The following PKN2 variants were observed in gnomAD, a reference collection of about 807,000 sequenced individuals.
The protein encoded by PKN2 is serine/threonine-protein kinase N2.
PKN2 carries 38 observed loss-of-function variants against 119.1 expected under a neutral mutation model. That is an observed-to-expected ratio of 0.32 (90% confidence interval 0.25 to 0.42). The LOEUF (loss-of-function observed/expected upper bound fraction) is 0.42. PKN2 is among the 10% of genes least tolerant of loss of function. The probability of loss-of-function intolerance (pLI) is 1.00; values close to 1 mark genes in which losing one functional copy is unlikely to be tolerated. For synonymous variants in PKN2, 390 were observed against 384.9 expected (o/e 1.01, Z -0.15); for missense variants, 850 against 1,165.1 (o/e 0.73, Z 3.94).
intron 1 of PKN2, among the ~76,000 whole-genome samples, chr1:88,694,999 C>T (rs370977673): frequency 3.3e-5 from 5 of 152,040 alleles, no homozygotes; most frequent in East Asian, 1.9e-4. Context: ...TGGTGGCGGG[C>T]GCCTGTAGTC....
At chr1:88,829,015 C>G (rs758025550) in intron 19 of PKN2, 2 of 641,544 alleles carry the variant, frequency 3.1e-6, no homozygotes, top group African/African-American at 3.6e-5. Flanking sequence ...TCCAGACTTC[C>G]GTCTGAGCAA....
At chr1:88,711,924 T>A (rs548264436) in intron 1 of PKN2, among the ~76,000 whole-genome samples, 1 of 152,158 alleles carries the variant, frequency 6.6e-6, no homozygotes. Context: ...TATGTGAGTG[T>A]ATGTATACAT....
At chr1:88,705,125 T>C (rs1380181369) in intron 1 of PKN2, among the ~76,000 whole-genome samples, 2 of 151,140 alleles carry the variant, frequency 1.3e-5, no homozygotes, top group Admixed American at 1.3e-4. Context: ...TATCTTTTCT[T>C]TTCTTTTCTT....
intron 8 of PKN2, among the ~76,000 whole-genome samples, chr1:88,801,837 A>G (rs927618337): frequency 3.9e-5 from 6 of 152,228 alleles, no homozygotes; most frequent in Admixed American, 2.6e-4. Context: ...TATATCCCTT[A>G]TGCATTTGGG....
At chr1:88,707,377 T>A (rs990494012) in intron 1 of PKN2, among the ~76,000 whole-genome samples, 1 of 152,108 alleles carries the variant, frequency 6.6e-6, no homozygotes, top group African/African-American at 2.4e-5. Context: ...TTCAAGGAGA[T>A]GCATGTTAAT....
chr1:88,828,433 TAGA>T, intron 18 of PKN2, 45 bp from the exon 19 acceptor site: 2 of 1,502,750 alleles, frequency 1.3e-6, no homozygotes, highest in Admixed American at 1.9e-5. Context: ...TTTTTTATGC[TAGA>T]TTTGTTTTCT....
In PKN2 at chr1:88,813,540, A is replaced by G; in HGVS notation, c.2103-17A>G. 1 of 1,498,228 alleles carries G rather than the reference A, an allele frequency of 6.7e-7. No individual in the cohort carries two copies. Among genetic ancestry groups the G allele is most frequent in the Non-Finnish European group, 9.0e-7 (1 of 1,106,992 alleles). 92.8% of individuals were successfully genotyped at this position (1,498,228 alleles called of 1,614,324 possible). A position where few individuals can be genotyped will look rare whatever the true frequency, so the allele number is the denominator to read the frequency against. ...ATTATTTTTAATCTGCTTATTTTAA[A>G]ATATTTTCTTTTACAGCCTGATGTG... On this transcript the variant is annotated splice_polypyrimidine_tract_variant and intron_variant, in intron 15 of 21. Transcript: ENST00000370521.
intron 6 of PKN2, 60 bp from the exon 7 acceptor site, chr1:88,784,579 A>G: frequency 9.4e-7 from 1 of 1,061,414 alleles, no homozygotes; most frequent in Non-Finnish European, 1.3e-6. Context: ...AGAGATTTAG[A>G]TTAAGGATTC....
chr1:88,822,232 A>G (rs1220324239), intron 17 of PKN2, among the ~76,000 whole-genome samples: 3 of 152,108 alleles, frequency 2.0e-5, no homozygotes, highest in Non-Finnish European at 2.9e-5. Flanking sequence ...TCAAATTATG[A>G]GTTGGTCTAT....
At chr1:88,695,278 A>G (rs1260278857) in intron 1 of PKN2, among the ~76,000 whole-genome samples, 1 of 152,196 alleles carries the variant, frequency 6.6e-6, no homozygotes, top group Non-Finnish European at 1.5e-5. Flanking sequence ...GATTAATTAA[A>G]ATTAATTAAA....
At chr1:88,764,394 G>T (rs1234603047) in intron 3 of PKN2, among the ~76,000 whole-genome samples, 1 of 152,060 alleles carries the variant, frequency 6.6e-6, no homozygotes, top group African/African-American at 2.4e-5. Flanking sequence ...ACCCTTCATT[G>T]CATTACCACC....
chr1:88,797,986 T>C (rs11806730), intron 8 of PKN2, among the ~76,000 whole-genome samples: 10,155 of 151,914 alleles, frequency 0.067, 696 homozygotes, highest in African/African-American at 0.18. Flanking sequence ...AGAAAACAAT[T>C]TTTAAAATTA....
At chr1:88,751,947 G>C (rs1669017423) in intron 2 of PKN2, among the ~76,000 whole-genome samples, 1 of 152,166 alleles carries the variant, frequency 6.6e-6, no homozygotes, top group Non-Finnish European at 1.5e-5. Flanking sequence ...AAGCCATGTA[G>C]ATCATCTAGT....
chr1:88,805,452 C>T (rs1671497719), intron 10 of PKN2, 45 bp from the exon 11 acceptor site: 3 of 1,446,478 alleles, frequency 2.1e-6, no homozygotes, highest in South Asian at 1.3e-5. Context: ...TTTGGTTATA[C>T]ATAAAGAAAT....
chr1:88,736,445 C>T (rs559535897), intron 1 of PKN2, among the ~76,000 whole-genome samples: 1 of 152,082 alleles, frequency 6.6e-6, no homozygotes, highest in Non-Finnish European at 1.5e-5. Flanking sequence ...CTCTCTGCAG[C>T]CTCTGCCTCT....
At chr1:88,688,709 C>T (rs561259355) in intron 1 of PKN2, among the ~76,000 whole-genome samples, 2 of 152,262 alleles carry the variant, frequency 1.3e-5, no homozygotes, top group African/African-American at 4.8e-5. Context: ...CCCAAAACTT[C>T]CCAAAAGATT....
chr1:88,775,438 G>A (rs982135199), intron 6 of PKN2, among the ~76,000 whole-genome samples: 1 of 152,050 alleles, frequency 6.6e-6, no homozygotes, highest in Admixed American at 6.6e-5. Flanking sequence ...TGCTTTGATA[G>A]CTCATTTTTG....
intron 6 of PKN2, among the ~76,000 whole-genome samples, chr1:88,778,916 G>A (rs1044914583): frequency 1.4e-4 from 21 of 151,968 alleles, no homozygotes; most frequent in Admixed American, 1.3e-3. Flanking sequence ...GGGTGGGGGC[G>A]GTTTCACCAT....
chr1:88,771,171 C>T (rs1177051671), intron 4 of PKN2, among the ~76,000 whole-genome samples: 1 of 151,746 alleles, frequency 6.6e-6, no homozygotes, highest in East Asian at 1.9e-4. Flanking sequence ...TTCGGTCTCC[C>T]CATGTTACAA....
Sources: allele counts gnomAD v4.1 joint callset (sites outside exome capture counted in the v4.1 genomes callset), GRCh38; gene constraint gnomAD v4.1.1; transcripts MANE v1.5; gene names NCBI Gene and HGNC (gene_info 2026-07-23, HGNC 2026-07-21).